CEP76: variants seen among roughly 807,000 people sequenced by gnomAD.
The protein encoded by CEP76 is centrosomal protein 76.
Under a neutral mutation model 83.3 loss-of-function variants are expected in CEP76, and 55 were observed. The observed-to-expected ratio is 0.66, with a 90% CI of 0.53 to 0.83. The LOEUF (loss-of-function observed/expected upper bound fraction) is 0.83. Ranked by LOEUF, CEP76 falls within the 40% of genes least tolerant of loss-of-function variation. The probability of loss-of-function intolerance (pLI) is 0.00; values close to 1 mark genes in which losing one functional copy is unlikely to be tolerated. For missense variants in CEP76, 694 were observed against 799.5 expected (o/e 0.87, Z 1.59); for synonymous variants, 270 against 274.5 (o/e 0.98, Z 0.16).
chr18:12,686,747 G>C (rs1199417599), intron 7 of CEP76: 3 of 238,838 alleles, frequency 1.3e-5, no homozygotes, highest in Non-Finnish European at 2.5e-5. Context: ...TCTGAGAAAT[G>C]TGTGGGTAGG....
chr18:12,693,805 T>A lies in CEP76; in HGVS notation c.804+1449A>T, dbSNP rs145210855. Among the ~76,000 whole-genome samples the A allele has an allele frequency of 9.0e-3, 1,371 of 152,068 alleles. 28 individuals are homozygous for A. The highest frequency in any genetic ancestry group is 0.03 in the African/African-American group (1,240 of 41,514). ...TGAAAAAAACAAACAAAAAAACCCC[T>A]CACGTATACACATAATGTATATGTG... On this transcript the variant is annotated intron_variant, in intron 6 of 11. Coordinates refer to ENST00000262127, the MANE Select transcript of CEP76 (RefSeq NM_024899.4).
rs1342108406 is a variant in CEP76, at chr18:12,697,226, C to T, written c.703G>A (p.Val235Ile). 2 of 1,608,790 alleles carry T rather than the reference C, an allele frequency of 1.2e-6. No individual in the cohort carries two copies. The highest frequency in any genetic ancestry group is 1.1e-5 in the South Asian group (1 of 90,462). Residue 235 changes from valine to isoleucine, a missense_variant, in exon 5 of 12, where the codon GTA becomes ATA. Coordinates refer to ENST00000262127, the MANE Select transcript of CEP76 (RefSeq NM_024899.4). ...VTSLTVELMG[V>I]GTESKVSVGI... ...AATGATATATTAATCACCATACCTACACCCATAAGTTCCACAGTCAGACTG... is the reference window on the plus strand; with the variant it reads ...AATGATATATTAATCACCATACCTATACCCATAAGTTCCACAGTCAGACTG...
chr18:12,678,072 A>G (rs752644871), intron 10 of CEP76, 37 bp downstream of exon 10: 4 of 1,514,954 alleles, frequency 2.6e-6, no homozygotes, highest in Admixed American at 1.7e-5. Context: ...ATAAATGAAA[A>G]GAAGTATGAA....
At chr18:12,694,260 T>C (rs1482672751) in intron 6 of CEP76, among the ~76,000 whole-genome samples, 1 of 152,178 alleles carries the variant, frequency 6.6e-6, no homozygotes, top group African/African-American at 2.4e-5. Flanking sequence ...GGACATTGTT[T>C]GCCTGAGGGA....
rs777148740 is a variant in CEP76, at chr18:12,674,536, C to T, written c.1841G>A (p.Arg614Gln). ...NARRAFATCL[R>Q]SPFCEEIICC... ...AATGATTCCGTAAATTACACCTTACCGAAGACATGTGGCAAATGCACGTCT... is the reference window on the plus strand; with the variant it reads ...AATGATTCCGTAAATTACACCTTACTGAAGACATGTGGCAAATGCACGTCT... The change falls in exon 11 of 12, where the codon CGA (arginine) becomes CAA (glutamine). Residue 614 changes from arginine (R) to glutamine (Q), a missense_variant and splice_region_variant. By Grantham distance (43) the Arg-to-Gln change is conservative. Coordinates refer to ENST00000262127, the MANE Select transcript of CEP76 (RefSeq NM_024899.4). The T allele has an allele frequency of 1.9e-6, 3 of 1,608,574 alleles. No homozygotes were observed. The highest frequency in any genetic ancestry group is 1.1e-5 in the South Asian group (1 of 90,886).
intron 10 of CEP76, 118 bp downstream of exon 10, chr18:12,677,991 A>G: frequency 2.9e-6 from 2 of 700,186 alleles, no homozygotes; most frequent in South Asian, 3.9e-5. Context: ...AATAGTAGGG[A>G]CTGTAGTTGT....
chr18:12,665,505 T>C (rs1715619275), intron 12 of CEP76, among the ~76,000 whole-genome samples: 1 of 152,190 alleles, frequency 6.6e-6, no homozygotes, highest in Admixed American at 6.5e-5. Context: ...GTCTTTCCCT[T>C]ATGTGCCATA....
chr18:12,693,328 G>A (rs1275627603), intron 6 of CEP76, among the ~76,000 whole-genome samples: 6 of 152,086 alleles, frequency 3.9e-5, no homozygotes, highest in African/African-American at 1.4e-4. Flanking sequence ...GGAGGCTGAG[G>A]CAGGTGGATT....
chr18:12,673,164 T>C lies in CEP76; in HGVS notation c.*201A>G. 8.2e-7 allele frequency: 1 copy of C among 1,215,004 alleles called. No individual in the cohort carries two copies. Among genetic ancestry groups the C allele is most frequent in the Non-Finnish European group, 1.0e-6 (1 of 963,854 alleles). 75.3% of individuals were successfully genotyped at this position (1,215,004 alleles called of 1,614,324 possible). A position where few individuals can be genotyped will look rare whatever the true frequency, so the allele number is the denominator to read the frequency against. On this transcript the variant is annotated 3_prime_UTR_variant, in exon 12 of 12. Transcript: ENST00000262127. ...TAATTTATACTAAATTCCAGGGAGA[T>C]TTATACAAGTTTTTCAGCCTTAATT... is the stretch of plus-strand genomic sequence containing the variant.
chr18:12,701,000 T>A lies in CEP76; in HGVS notation c.177A>T (p.Arg59=), dbSNP rs1420698762. The A allele has an allele frequency of 1.2e-6, 2 of 1,613,664 alleles. No individual in the cohort carries two copies. The highest frequency in any genetic ancestry group is 1.7e-6 in the Non-Finnish European group (2 of 1,179,896). ...CTTTCATCACATCGTCAATGATTCC[T>A]CGACGTCTAAGGGCTTTGATCAAAT... ...TEDLIKALRR[R]GIIDDVMKEL... Residue 59 remains arginine, a synonymous_variant, in exon 2 of 12, where the codon CGA becomes CGT. Transcript: ENST00000262127.
intron 2 of CEP76, chr18:12,700,498 T>C (rs902762807): frequency 1.3e-5 from 2 of 153,840 alleles, no homozygotes; most frequent in African/African-American, 4.8e-5. Flanking sequence ...TATTGACCTA[T>C]TTGTATTAAA....
At chr18:12,696,312 G>A (rs1383759677) in intron 5 of CEP76, among the ~76,000 whole-genome samples, 2 of 152,032 alleles carry the variant, frequency 1.3e-5, no homozygotes, top group Non-Finnish European at 2.9e-5. Context: ...AGACCATCCC[G>A]GCCAACATGG....
chr18:12,675,703 C>T (rs2039100401), intron 10 of CEP76, among the ~76,000 whole-genome samples: 1 of 151,988 alleles, frequency 6.6e-6, no homozygotes. Flanking sequence ...GAGTCTTACT[C>T]TGTTGCCCAG....
intron 6 of CEP76, among the ~76,000 whole-genome samples, chr18:12,692,955 T>C (rs1234931805): frequency 6.6e-6 from 1 of 152,176 alleles, no homozygotes; most frequent in Admixed American, 6.6e-5. Context: ...CCCCAGTAGC[T>C]GGGACTACAG....
At chr18:12,689,572 T>A (rs1386153032) in intron 7 of CEP76, among the ~76,000 whole-genome samples, 1 of 145,074 alleles carries the variant, frequency 6.9e-6, no homozygotes, top group Non-Finnish European at 1.6e-5. Flanking sequence ...AGAGAGGAAG[T>A]CGTTTAAGTA....
chr18:12,662,654 A>G (rs929641266), intron 12 of CEP76, among the ~76,000 whole-genome samples: 2 of 152,176 alleles, frequency 1.3e-5, no homozygotes, highest in African/African-American at 4.8e-5. Context: ...GTGCACACCT[A>G]TAATCCCAGC....
chr18:12,669,157 A>G (rs2038876705), downstream of CEP76, among the ~76,000 whole-genome samples: 1 of 144,668 alleles, frequency 6.9e-6, no homozygotes, highest in African/African-American at 2.6e-5. Flanking sequence ...CTGTTTCCCA[A>G]GCTGGAGTGC....
Position 12,695,799 on chromosome 18 carries a change from C to A in CEP76, c.707-448G>T, listed in dbSNP as rs531687757. 7.9e-5 allele frequency among the ~76,000 whole-genome samples: 12 copies of A among 152,012 alleles called. No individual in the cohort carries two copies. In the South Asian group the frequency reaches 2.5e-3, roughly 32 times the overall value. On this transcript the variant is annotated intron_variant, in intron 5 of 11. Transcript: ENST00000262127. ...TCTTAATTAAATGTATAATATCAAC[C>A]AGACTTACATTAAATTCAAAGTCAA... is the stretch of plus-strand genomic sequence containing the variant.
intron 4 of CEP76, chr18:12,698,738 T>G: frequency 2.0e-6 from 1 of 508,612 alleles, no homozygotes; most frequent in Non-Finnish European, 3.5e-6. Context: ...GGTATTTAAG[T>G]GTGTATTACT....
Sources: allele counts gnomAD v4.1 joint callset (sites outside exome capture counted in the v4.1 genomes callset), GRCh38; gene constraint gnomAD v4.1.1; transcripts MANE v1.5; gene names NCBI Gene and HGNC (gene_info 2026-07-23, HGNC 2026-07-21).